Variants in INSC observed in about 807,000 individuals in gnomAD.
INSC encodes the protein protein inscuteable homolog.
In INSC, 67 loss-of-function variants were observed where a neutral mutation model predicts 58.6. The observed-to-expected ratio is 1.14, with a 90% CI of 0.94 to 1.40. The LOEUF (loss-of-function observed/expected upper bound fraction) is 1.40, where lower values mean the gene tolerates loss of function less well. INSC is among the 40% of genes most tolerant of loss of function. The pLI is 0.00. For synonymous variants in INSC, 262 were observed against 276.1 expected (o/e 0.95, Z 0.51); for missense variants, 714 against 692.0 (o/e 1.03, Z -0.36).
chr11:15,266,841 A>C, the INSC span, among the ~76,000 whole-genome samples: 3 of 152,002 alleles, frequency 2.0e-5, no homozygotes, highest in Non-Finnish European at 4.4e-5. Flanking sequence ...AGGTAAGTTT[A>C]GAAAAGAAAG....
At chr11:15,165,996 G>T (rs1001162504) in intron 2 of INSC, among the ~76,000 whole-genome samples, 1 of 152,112 alleles carries the variant, frequency 6.6e-6, no homozygotes, top group Non-Finnish European at 1.5e-5. Context: ...TGTCTCTTCT[G>T]CTCGACTATG....
chr11:15,145,272 T>C (rs893358437), intron 1 of INSC, among the ~76,000 whole-genome samples: 1 of 152,190 alleles, frequency 6.6e-6, no homozygotes, highest in African/African-American at 2.4e-5. Flanking sequence ...GGGTTGGCAA[T>C]TTTCCCAAGG....
At chr11:15,162,941 C>A (rs1380667794) in intron 2 of INSC, among the ~76,000 whole-genome samples, 2 of 152,166 alleles carry the variant, frequency 1.3e-5, no homozygotes, top group Non-Finnish European at 2.9e-5. Flanking sequence ...AAATTTATTT[C>A]TCCTATCCAT....
At chr11:15,153,255 G>A (rs1457031331) in intron 2 of INSC, among the ~76,000 whole-genome samples, 1 of 152,176 alleles carries the variant, frequency 6.6e-6, no homozygotes, top group Non-Finnish European at 1.5e-5. Context: ...ACTTCTCCCT[G>A]TGAGTGAAAC....
Position 15,178,447 on chromosome 11 carries a change from G to C in INSC, c.579G>C (p.Gln193His). 1 of 1,609,288 alleles carries C rather than the reference G, an allele frequency of 6.2e-7. No homozygotes were observed. The highest frequency in any genetic ancestry group is 1.1e-5 in the South Asian group (1 of 91,058). Residue 193 changes from glutamine (Q) to histidine (H), a missense_variant and splice_region_variant, in exon 5 of 13, where the codon CAG becomes CAC. Physicochemically the swap from Gln to His is conservative, Grantham distance 24. Coordinates refer to ENST00000379556, the MANE Select transcript of INSC (RefSeq NM_001042536.3). Reference protein sequence around the residue: ...LLELALTREVQALVRKIDASD... With the variant: ...LLELALTREVHALVRKIDASD... The stretch of plus-strand genomic sequence containing the variant: ...AGCTGGCCCTGACACGGGAGGTTCA[G>C]GTCAGTGCAGGCTGGGCTGCAGGGA...
intron 7 of INSC, among the ~76,000 whole-genome samples, chr11:15,214,706 G>A (rs1359552746): frequency 6.6e-6 from 1 of 152,220 alleles, no homozygotes; most frequent in Non-Finnish European, 1.5e-5. Context: ...ATAATCCCCA[G>A]TGCAACTTTG....
intron 2 of INSC, among the ~76,000 whole-genome samples, chr11:15,149,988 A>C (rs767584423): frequency 6.6e-6 from 1 of 152,242 alleles, no homozygotes; most frequent in African/African-American, 2.4e-5. Flanking sequence ...AAGACTCCAG[A>C]CTGACTTAAC....
chr11:15,155,986 T>C (rs984062331), intron 2 of INSC, among the ~76,000 whole-genome samples: 1 of 152,090 alleles, frequency 6.6e-6, no homozygotes, highest in Non-Finnish European at 1.5e-5. Flanking sequence ...TGGTAGGCTT[T>C]GGGGAATGAA....
chr11:15,154,621 G>A (rs1449190066), intron 2 of INSC, among the ~76,000 whole-genome samples: 1 of 152,204 alleles, frequency 6.6e-6, no homozygotes, highest in Non-Finnish European at 1.5e-5. Flanking sequence ...GCAGTGGGGA[G>A]CATGGATTAG....
Position 15,221,372 on chromosome 11 carries a change from C to G in INSC, c.820-105C>G, listed in dbSNP as rs541733207. The G allele has an allele frequency of 8.2e-6, 11 of 1,346,060 alleles. 1 individual carries two copies. The African/African-American group carries it at 1.5e-4, about 18-fold the overall frequency. 83.4% of individuals were successfully genotyped at this position (1,346,060 alleles called of 1,614,324 possible). ...CCTGGGCTGTTCTGGGAAGCCAGAGCTGGCTTCCATGTAGTGGGGGCTGAA... is the reference window on the plus strand; with the variant it reads ...CCTGGGCTGTTCTGGGAAGCCAGAGGTGGCTTCCATGTAGTGGGGGCTGAA... On this transcript the variant is annotated intron_variant, in intron 7 of 12. Transcript: ENST00000379556.
At chr11:15,160,954 G>A (rs1467775830) in intron 2 of INSC, among the ~76,000 whole-genome samples, 2 of 152,164 alleles carry the variant, frequency 1.3e-5, no homozygotes, top group African/African-American at 4.8e-5. Context: ...GTAATAAATA[G>A]CATTTTACTG....
intron 12 of INSC, chr11:15,241,568 C>T: frequency 1.4e-6 from 1 of 702,904 alleles, no homozygotes; most frequent in Non-Finnish European, 2.6e-6. Flanking sequence ...CTGTTCTAGG[C>T]TATGGGGATA....
chr11:15,118,581 T>C (rs1265121869), intron 1 of INSC, among the ~76,000 whole-genome samples: 6 of 152,204 alleles, frequency 3.9e-5, no homozygotes, highest in Non-Finnish European at 1.5e-5. Context: ...GGAAATCCCC[T>C]GTGGCCTGGT....
chr11:15,220,300 A>G (rs1028569040), intron 7 of INSC, among the ~76,000 whole-genome samples: 2 of 151,662 alleles, frequency 1.3e-5, no homozygotes, highest in Non-Finnish European at 2.9e-5. Flanking sequence ...CCTCATCCCT[A>G]CCTCCCACTC....
At chr11:15,208,830 A>G (rs1377530698) in intron 7 of INSC, among the ~76,000 whole-genome samples, 1 of 152,154 alleles carries the variant, frequency 6.6e-6, no homozygotes, top group Non-Finnish European at 1.5e-5. Flanking sequence ...TAAGAACACC[A>G]GTGGCCGCTC....
chr11:15,265,369 T>C, the INSC span, among the ~76,000 whole-genome samples: 3 of 152,088 alleles, frequency 2.0e-5, no homozygotes, highest in Admixed American at 6.6e-5. Flanking sequence ...GTTTCTGGAA[T>C]AATTTGTAAG....
At chr11:15,173,045 T>C (rs1195187024) in intron 2 of INSC, among the ~76,000 whole-genome samples, 1 of 152,200 alleles carries the variant, frequency 6.6e-6, no homozygotes, top group Non-Finnish European at 1.5e-5. Context: ...TGAATTACAA[T>C]TCAGAACATA....
upstream of INSC, among the ~76,000 whole-genome samples, chr11:15,113,454 C>T (rs537324224): frequency 5.5e-4 from 84 of 152,252 alleles, no homozygotes; most frequent in African/African-American, 1.8e-3. Flanking sequence ...CCACCACTCC[C>T]GGCTGAGACT....
At chr11:15,267,209 C>T in the INSC span, among the ~76,000 whole-genome samples, 1 of 151,978 alleles carries the variant, frequency 6.6e-6, no homozygotes, top group African/African-American at 2.4e-5. Context: ...GATGAGAAGT[C>T]TGCTGTCATT....
Sources: gnomAD v4.1 joint callset for allele counts (sites outside exome capture counted in the v4.1 genomes callset) on GRCh38, gnomAD v4.1.1 for gene constraint, MANE v1.5 for transcripts, NCBI Gene and HGNC (gene_info 2026-07-23, HGNC 2026-07-21) for gene names.